HPX: variants seen among roughly 807,000 people sequenced by gnomAD.
HPX encodes hemopexin.
In HPX, 42 loss-of-function variants were observed where a neutral mutation model predicts 53.8. The ratio of observed to expected loss-of-function variants is 0.78; its 90% CI spans 0.61 to 1.01. The LOEUF (loss-of-function observed/expected upper bound fraction) is 1.01. HPX is among the 50% of genes least tolerant of loss of function. The probability of loss-of-function intolerance (pLI) is 0.00; values close to 1 mark genes in which losing one functional copy is unlikely to be tolerated. For synonymous variants in HPX, 229 were observed against 221.1 expected (o/e 1.04, Z -0.32); for missense variants, 547 against 594.3 (o/e 0.92, Z 0.83).
intron 7 of HPX, among the ~76,000 whole-genome samples, chr11:6,434,544 T>C (rs1849391423): frequency 6.6e-6 from 1 of 152,154 alleles, no homozygotes; most frequent in African/African-American, 2.4e-5. Flanking sequence ...TTGCCCAGGC[T>C]GGTCTAGAAC....
intron 7 of HPX, among the ~76,000 whole-genome samples, chr11:6,433,617 C>A (rs1030822879): frequency 6.6e-6 from 1 of 152,228 alleles, no homozygotes; most frequent in Non-Finnish European, 1.5e-5. Context: ...TAGCTGGATT[C>A]CTTGCTTACA....
In HPX at chr11:6,431,779, T is replaced by A; in HGVS notation, c.991A>T (p.Thr331Ser). Residue 331 changes from threonine (T) to serine (S), a missense_variant, in exon 9 of 10, where the codon ACA becomes TCA. Transcript: ENST00000265983. Reference sequence around the variant, plus strand: ...CTTACTAGGGTATAGCCTCCCTTTGTCAGGAAGACATATACCTGGGTGCCC... The same window carrying A: ...CTTACTAGGGTATAGCCTCCCTTTGACAGGAAGACATATACCTGGGTGCCC... ...VQGTQVYVFL[T>S]KGGYTLVSGY... 1 of 1,614,132 alleles carries A rather than the reference T, an allele frequency of 6.2e-7. No individual in the cohort carries two copies. Among genetic ancestry groups the A allele is most frequent in the Non-Finnish European group, 8.5e-7 (1 of 1,180,030 alleles).
chr11:6,431,597 G>A, intron 9 of HPX, 44 bp downstream of exon 9: 1 of 1,610,104 alleles, frequency 6.2e-7, no homozygotes, highest in Non-Finnish European at 8.5e-7. Flanking sequence ...GCCACAGACA[G>A]GTAGCAGAAC....
At chr11:6,438,744 C>T (rs1311605294) in intron 4 of HPX, among the ~76,000 whole-genome samples, 1 of 152,216 alleles carries the variant, frequency 6.6e-6, no homozygotes, top group Non-Finnish European at 1.5e-5. Flanking sequence ...CCCAGACACT[C>T]CTGTGGCACA....
At chr11:6,438,293 C>T (rs937526404) in intron 5 of HPX, 63 bp downstream of exon 5, 1 of 1,513,548 alleles carries the variant, frequency 6.6e-7, no homozygotes, top group African/African-American at 1.4e-5. Context: ...CTATCACCAT[C>T]ACTACTGGCA....
chr11:6,440,802 T>C lies in HPX; in HGVS notation c.84-72A>G, dbSNP rs111378840. The C allele has an allele frequency of 3.0e-3, 4,842 of 1,594,410 alleles. 137 individuals are homozygous for C. The African/African-American group carries it at 0.057, about 19-fold the overall frequency. On this transcript the variant is annotated intron_variant, in intron 1 of 9. Transcript: ENST00000265983. Reference sequence around the variant, plus strand: ...TTCCCATAGCCCCTGACCCCAAATTTGACCGAGGCCTAAAAACTGGCCCTA... The same window carrying C: ...TTCCCATAGCCCCTGACCCCAAATTCGACCGAGGCCTAAAAACTGGCCCTA...
intron 5 of HPX, 61 bp downstream of exon 5, chr11:6,438,295 C>T (rs1259972926): frequency 1.3e-6 from 2 of 1,534,356 alleles, no homozygotes; most frequent in Non-Finnish European, 1.8e-6. Flanking sequence ...ATCACCATCA[C>T]TACTGGCATC....
chr11:6,437,238 A>T, intron 6 of HPX, 61 bp from the exon 7 acceptor site: 1 of 1,562,326 alleles, frequency 6.4e-7, no homozygotes, highest in Non-Finnish European at 8.7e-7. Flanking sequence ...GTGAGGTCCA[A>T]GGTGGAAGAG....
intron 7 of HPX, among the ~76,000 whole-genome samples, chr11:6,433,671 A>C (rs1033342267): frequency 1.3e-5 from 2 of 152,216 alleles, no homozygotes; most frequent in Non-Finnish European, 2.9e-5. Context: ...AGTCAGAGTG[A>C]TCTTTTATAA....
At chr11:6,434,675 T>A (rs1339437996) in intron 7 of HPX, among the ~76,000 whole-genome samples, 1 of 152,164 alleles carries the variant, frequency 6.6e-6, no homozygotes, top group Non-Finnish European at 1.5e-5. Flanking sequence ...CTTTGTGCAA[T>A]GAAGTAAATG....
Position 6,431,940 on chromosome 11 carries a change from G to A in HPX, c.913C>T (p.Pro305Ser), listed in dbSNP as rs1849355760. The A allele has an allele frequency of 6.2e-7, 1 of 1,614,042 alleles. No homozygotes were observed. Among genetic ancestry groups the A allele is most frequent in the South Asian group, 1.1e-5 (1 of 91,078 alleles). The change falls in exon 8 of 10, where the codon CCT becomes TCT. Residue 305 changes from proline (P) to serine (S), a missense_variant. Coordinates refer to ENST00000265983, the MANE Select transcript of HPX (RefSeq NM_000613.3). Reference sequence around the variant, plus strand: ...GAAAAGGCAGCATCCACTGCTGAAGGACCCTGGGGCCACTGATGAGCAATG... The same window carrying A: ...GAAAAGGCAGCATCCACTGCTGAAGAACCCTGGGGCCACTGATGAGCAATG... ...WPIAHQWPQG[P>S]SAVDAAFSWE...
chr11:6,432,058 G>A, intron 7 of HPX, 41 bp from the exon 8 acceptor site: 3 of 1,612,134 alleles, frequency 1.9e-6, no homozygotes, highest in East Asian at 2.2e-5. Flanking sequence ...GCTGGCAGAA[G>A]CCCAGGCAGA....
chr11:6,432,126 G>T, intron 7 of HPX, 109 bp from the exon 8 acceptor site: 1 of 1,260,360 alleles, frequency 7.9e-7, no homozygotes, highest in Non-Finnish European at 1.1e-6. Flanking sequence ...TGCATCCAGA[G>T]GCCAAGATGG....
rs779096994 is a variant in HPX at position 6,437,176 on chromosome 11, G to A, written c.705C>T (p.Gly235=). The A allele has an allele frequency of 3.7e-6, 6 of 1,612,972 alleles. No homozygotes were observed. The highest frequency in any genetic ancestry group is 5.1e-6 in the Non-Finnish European group (6 of 1,179,376). ...GGCCAGTCCCATTCCTGTGTCCATG[G>A]CCTGGAGAGAGAAATGGGTGAGGAG... The part of the protein sequence containing the change: ...RDYFMPCPGR[G]HGHRNGTGHG... The change falls in exon 7 of 10, where the codon GGC becomes GGT. Residue 235 remains glycine (G), a splice_region_variant and synonymous_variant. Transcript: ENST00000265983.
At chr11:6,432,096 G>A in intron 7 of HPX, 79 bp from the exon 8 acceptor site, 1 of 1,526,456 alleles carries the variant, frequency 6.6e-7, no homozygotes, top group African/African-American at 1.4e-5. Context: ...ATGCAGAAAT[G>A]AGTCATGAGA....
chr11:6,440,082 C>T, intron 4 of HPX, 83 bp downstream of exon 4: 1 of 1,570,654 alleles, frequency 6.4e-7, no homozygotes, highest in Non-Finnish European at 8.7e-7. Flanking sequence ...CTATGGGCTC[C>T]ATGCCAAGGC....
rs753680725 is a variant in HPX, at chr11:6,440,583, A to G, written c.143-45T>C. On this transcript the variant is annotated intron_variant, in intron 2 of 9. Coordinates refer to ENST00000265983, the MANE Select transcript of HPX (RefSeq NM_000613.3). ...ATGGCAAAGTAAAAAAAAAAAAAAAAAAAAAAAAAAAAAAAAAAAACCAGA... is the reference window on the plus strand; with the variant it reads ...ATGGCAAAGTAAAAAAAAAAAAAAAGAAAAAAAAAAAAAAAAAAAACCAGA... The G allele has an allele frequency of 6.5e-5, 86 of 1,330,260 alleles. 4 individuals carry two copies. The African/African-American group carries it at 1.1e-3, about 17-fold the overall frequency. The allele number at this position is 1,330,260 out of a possible 1,614,324, so 82.4% of individuals were successfully genotyped here. A position where few individuals can be genotyped will look rare whatever the true frequency, so the allele number is the denominator to read the frequency against.
Position 6,440,149 on chromosome 11 carries a change from T to C in HPX, c.336+16A>G. ...CAGCCCTTTCCAGCCTGGCCCTGATTTTGGCCCAGCAGTACCTTGATCAGA... is the reference window on the plus strand; with the variant it reads ...CAGCCCTTTCCAGCCTGGCCCTGATCTTGGCCCAGCAGTACCTTGATCAGA... On this transcript the variant is annotated intron_variant, in intron 4 of 9. Transcript: ENST00000265983. 6.2e-7 allele frequency: 1 copy of C among 1,613,986 alleles called. No individual in the cohort carries two copies.
At chr11:6,435,451 GTTTT>G (rs1167776965) in intron 7 of HPX, among the ~76,000 whole-genome samples, 7 of 151,302 alleles carry the variant, frequency 4.6e-5, no homozygotes, top group Admixed American at 1.3e-4. Context: ...TTGTTTGTTT[GTTTT>G]GTTTTGTTTT....
Sources: allele counts gnomAD v4.1 joint callset (sites outside exome capture counted in the v4.1 genomes callset), GRCh38; gene constraint gnomAD v4.1.1; transcripts MANE v1.5; gene names NCBI Gene and HGNC (gene_info 2026-07-23, HGNC 2026-07-21).